The following GALNT9 variants were observed in gnomAD, a reference collection of about 807,000 sequenced individuals.
GALNT9 encodes GalNAc transferase 9.
A neutral mutation model predicts 63.1 loss-of-function variants in GALNT9; 47 were observed. That is an observed-to-expected ratio of 0.75 (90% CI 0.59 to 0.95). The LOEUF is 0.95. Among genes scored for constraint, GALNT9 ranks in the 40% least tolerant of loss-of-function variants. The pLI, the probability that GALNT9 is intolerant of heterozygous loss-of-function variation, is 0.00. For missense variants in GALNT9, 829 were observed against 874.8 expected, an observed-to-expected ratio of 0.95 and a Z score of 0.66; for synonymous variants, 396 against 365.7, an observed-to-expected ratio of 1.08 and a Z score of -0.94.
intron 1 of GALNT9, among the ~76,000 whole-genome samples, chr12:132,322,215 G>A (rs538760353): frequency 2.6e-4 from 40 of 152,302 alleles, no homozygotes; most frequent in African/African-American, 8.4e-4. Context: ...ATACCCATTC[G>A]TCCACGTCAC....
At chr12:132,317,352 A>G (rs935917729) in intron 1 of GALNT9, among the ~76,000 whole-genome samples, 7 of 152,116 alleles carry the variant, frequency 4.6e-5, no homozygotes, top group African/African-American at 1.7e-4. Context: ...CTGCCCCCCC[A>G]GGCCACACCC....
chr12:132,236,358 G>A lies in GALNT9; in HGVS notation c.1077+11552C>T, dbSNP rs1052110364. Among the ~76,000 whole-genome samples, 5 of 152,172 alleles carry A rather than the reference G, an allele frequency of 3.3e-5. No individual in the cohort carries two copies. The highest frequency in any genetic ancestry group is 2.1e-4 in the South Asian group (1 of 4,810). The stretch of plus-strand genomic sequence containing the variant: ...GAGCCACATCCAGTGTGGGGGCTGC[G>A]GGCTCCAGGCCTGGTGTCTCTGGAG... On this transcript the variant is annotated intron_variant, in intron 6 of 10. Transcript: ENST00000328957. The surrounding 1 kb of genome is among the most constrained non-coding windows in gnomAD (Gnocchi z 5.6).
intron 6 of GALNT9, among the ~76,000 whole-genome samples, chr12:132,207,582 C>T (rs1201307177): frequency 4.6e-5 from 7 of 152,266 alleles, no homozygotes; most frequent in Non-Finnish European, 7.4e-5. Context: ...TCTCGGCCCT[C>T]GGGTCCCCCA....
intron 4 of GALNT9, among the ~76,000 whole-genome samples, chr12:132,260,010 T>A (rs948098313): frequency 9.5e-5 from 7 of 74,050 alleles, no homozygotes; most frequent in South Asian, 5.7e-4. Flanking sequence ...GAACACACCC[T>A]GAGCATTGTG....
chr12:132,281,766 C>A (rs1022023070), intron 2 of GALNT9, among the ~76,000 whole-genome samples: 1 of 152,244 alleles, frequency 6.6e-6, no homozygotes, highest in Non-Finnish European at 1.5e-5. Context: ...AGAGCAAGAG[C>A]CCCCACTGTG....
chr12:132,301,488 A>G (rs551953347), intron 1 of GALNT9, among the ~76,000 whole-genome samples: 152 of 152,368 alleles, frequency 1.0e-3, no homozygotes, highest in African/African-American at 3.3e-3. Flanking sequence ...TCCGGGGCAC[A>G]TAAAGGGTCC....
intron 6 of GALNT9, among the ~76,000 whole-genome samples, chr12:132,216,776 A>G (rs1877215846): frequency 6.6e-6 from 1 of 152,186 alleles, no homozygotes; most frequent in Admixed American, 6.5e-5. Flanking sequence ...TCACCTCTTC[A>G]CTTGGCACCG....
At chr12:132,321,231 C>T (rs1315472668) in intron 1 of GALNT9, among the ~76,000 whole-genome samples, 16 of 150,804 alleles carry the variant, frequency 1.1e-4, no homozygotes, top group South Asian at 1.1e-3. Context: ...GGTCTGGAGT[C>T]GAGGCCCCTG....
intron 6 of GALNT9, among the ~76,000 whole-genome samples, chr12:132,206,412 C>T (rs1392810764): frequency 6.6e-6 from 1 of 151,428 alleles, no homozygotes; most frequent in Non-Finnish European, 1.5e-5. Context: ...CTTTGGGAGG[C>T]CGAGGTGGGT....
At chr12:132,268,165 ACT>A (rs1352134101) in intron 2 of GALNT9, among the ~76,000 whole-genome samples, 44 of 151,174 alleles carry the variant, frequency 2.9e-4, no homozygotes, top group Admixed American at 1.7e-3. Flanking sequence ...ACACAAGCAC[ACT>A]CTCAAACCCA....
At chr12:132,311,312 G>A (rs1203569886) in intron 1 of GALNT9, among the ~76,000 whole-genome samples, 3 of 152,196 alleles carry the variant, frequency 2.0e-5, no homozygotes, top group African/African-American at 4.8e-5. Context: ...TGAGGGTGAA[G>A]CACTGGGGGA....
intron 1 of GALNT9, among the ~76,000 whole-genome samples, chr12:132,320,244 G>A (rs1462729541): frequency 6.6e-6 from 1 of 152,150 alleles, no homozygotes; most frequent in Admixed American, 6.5e-5. Flanking sequence ...CTCACACTGA[G>A]AGGCACAGAA....
intron 6 of GALNT9, among the ~76,000 whole-genome samples, chr12:132,214,094 G>A (rs1877084851): frequency 6.6e-6 from 1 of 152,186 alleles, no homozygotes; most frequent in Non-Finnish European, 1.5e-5. Flanking sequence ...ACCCTCACAA[G>A]GATTACCAGG....
chr12:132,281,092 G>A (rs1251775005), intron 2 of GALNT9, among the ~76,000 whole-genome samples: 1 of 152,216 alleles, frequency 6.6e-6, no homozygotes, highest in East Asian at 1.9e-4. Context: ...GCCAGGCACT[G>A]TGGAGACGCT....
At chr12:132,321,197 T>TCCGGAGTCGAGGCCCCTGTG (rs1566024589) in intron 1 of GALNT9, among the ~76,000 whole-genome samples, 6 of 146,752 alleles carry the variant, frequency 4.1e-5, no homozygotes, top group Non-Finnish European at 7.5e-5. Context: ...AGGCCCCTGT[T>TCCGGAGTCGAGGCCCCTGTG]GGTCCAGAGT....
chr12:132,208,489 C>G (rs1453267716), intron 6 of GALNT9, among the ~76,000 whole-genome samples: 1 of 152,252 alleles, frequency 6.6e-6, no homozygotes, highest in Non-Finnish European at 1.5e-5. Context: ...CAGAAAGGGC[C>G]AGAACCCACC....
chr12:132,304,895 C>T (rs1555244444), intron 1 of GALNT9, among the ~76,000 whole-genome samples: 1 of 38,230 alleles, frequency 2.6e-5, no homozygotes, highest in African/African-American at 1.3e-4. Flanking sequence ...CGGGGCACAC[C>T]CTCGCCCGGA....
chr12:132,307,421 G>A (rs1448338823), intron 1 of GALNT9, among the ~76,000 whole-genome samples: 3 of 152,130 alleles, frequency 2.0e-5, no homozygotes, highest in African/African-American at 7.2e-5. Flanking sequence ...TGGAACCCAT[G>A]AGTCTGTCAA....
rs568409402 is a variant in GALNT9 at position 132,328,580 on chromosome 12, C to T, written c.238+386G>A. On this transcript the variant is annotated intron_variant, in intron 1 of 10. Transcript: ENST00000328957. ...CCACCTTCAAGAGTGGAGGGGTCGG[C>T]GCAGCCTAAACCTGACGGCCCCCAC... 2.6e-4 allele frequency among the ~76,000 whole-genome samples: 40 copies of T among 152,286 alleles called. 1 individual carries two copies. Among genetic ancestry groups the T allele is most frequent in the African/African-American group, 8.9e-4 (37 of 41,566 alleles).
Sources: gnomAD v4.1 joint callset for allele counts (sites outside exome capture counted in the v4.1 genomes callset) on GRCh38, gnomAD v4.1.1 for gene constraint, Gnocchi (gnomAD v3.1) non-coding constraint, MANE v1.5 for transcripts, NCBI Gene and HGNC (gene_info 2026-07-23, HGNC 2026-07-21) for gene names.